Variants in TAFA5 observed in about 807,000 individuals in gnomAD.
The protein encoded by TAFA5 is TAFA chemokine like family member 5.
A neutral mutation model predicts 15.3 loss-of-function variants in TAFA5; 6 were observed. The ratio of observed to expected loss-of-function variants is 0.39; its 90% CI spans 0.21 to 0.77. TAFA5 has a LOEUF of 0.77. Among genes scored for constraint, TAFA5 ranks in the 30% least tolerant of loss-of-function variants. The pLI is 0.41. For missense variants in TAFA5, 161 were observed against 193.1 expected, an observed-to-expected ratio of 0.83 and a Z score of 0.98; for synonymous variants, 103 against 80.7, an observed-to-expected ratio of 1.28 and a Z score of -1.48.
rs964016919 is a variant in TAFA5, at chr22:48,490,275, G to A, written c.112+571G>A. ...AGAGAAGCGAAGTGAGGGATGGGAT[G>A]CCCGGAGGGGGCTCGCCGCGGCCGC... is the stretch of plus-strand genomic sequence containing the variant. On this transcript the variant is annotated intron_variant, in intron 1 of 3. Coordinates refer to ENST00000402357, the MANE Select transcript of TAFA5 (RefSeq NM_001082967.3). The surrounding 1 kb of genome is among the most constrained non-coding windows in gnomAD (Gnocchi z 5.8). Among the ~76,000 whole-genome samples the A allele has an allele frequency of 6.6e-6, 1 of 152,080 alleles. No individual in the cohort carries two copies. Among genetic ancestry groups the A allele is most frequent in the Non-Finnish European group, 1.5e-5 (1 of 67,986 alleles).
At chr22:48,689,620 C>A (rs1035888404) in intron 2 of TAFA5, among the ~76,000 whole-genome samples, 1 of 151,082 alleles carries the variant, frequency 6.6e-6, no homozygotes, top group Non-Finnish European at 1.5e-5. Flanking sequence ...TTCACTGGCT[C>A]TCAGTTTGGG....
intron 1 of TAFA5, among the ~76,000 whole-genome samples, chr22:48,645,091 C>G (rs926007456): frequency 2.6e-4 from 40 of 152,376 alleles, no homozygotes; most frequent in Admixed American, 2.6e-3. Context: ...ATTACCTACT[C>G]AGATGAAGGA....
intron 3 of TAFA5, among the ~76,000 whole-genome samples, chr22:48,745,292 C>T (rs1221560542): frequency 7.1e-6 from 1 of 141,394 alleles, no homozygotes; most frequent in Non-Finnish European, 1.5e-5. Context: ...CATTGGCACA[C>T]AACAGCTTTG....
intron 1 of TAFA5, 53 bp from the exon 2 acceptor site, chr22:48,646,544 T>G: frequency 5.7e-6 from 9 of 1,591,680 alleles, no homozygotes; most frequent in Non-Finnish European, 7.7e-6. Context: ...GGGCTCTGGC[T>G]GTGGGGTGTC....
At chr22:48,684,717 G>A (rs1160203342) in intron 2 of TAFA5, among the ~76,000 whole-genome samples, 2 of 152,206 alleles carry the variant, frequency 1.3e-5, no homozygotes, top group African/African-American at 4.8e-5. Flanking sequence ...GACTGAGGCT[G>A]TGTCTGGGTA....
intron 2 of TAFA5, among the ~76,000 whole-genome samples, chr22:48,706,460 T>G (rs979147621): frequency 6.6e-6 from 1 of 152,056 alleles, no homozygotes; most frequent in African/African-American, 2.4e-5. Context: ...TAGAGTGGGG[T>G]GCCTGGCTCT....
At chr22:48,542,639 T>TGTGTGTGTG (rs1491202512) in intron 1 of TAFA5, among the ~76,000 whole-genome samples, 1 of 26,958 alleles carries the variant, frequency 3.7e-5, no homozygotes, top group East Asian at 6.2e-4. Flanking sequence ...GGGTGTGTGA[T>TGTGTGTGTG]GTGTGTGTGT....
At chr22:48,508,268 T>A (rs1020876913) in intron 1 of TAFA5, among the ~76,000 whole-genome samples, 1 of 152,020 alleles carries the variant, frequency 6.6e-6, no homozygotes, top group South Asian at 2.1e-4. Context: ...CTGGGAGAGG[T>A]AGGTGCTGAC....
At chr22:48,547,439 CTTTG>C (rs1220511809) in intron 1 of TAFA5, 2 of 152,172 alleles carry the variant, frequency 1.3e-5, no homozygotes, top group Non-Finnish European at 2.9e-5. Flanking sequence ...GTGAGGATAC[CTTTG>C]TTTGTGATGT....
chr22:48,496,724 GA>G (rs1359140787), intron 1 of TAFA5, among the ~76,000 whole-genome samples: 4 of 152,198 alleles, frequency 2.6e-5, no homozygotes, highest in African/African-American at 7.2e-5. Flanking sequence ...GCACCGCAGG[GA>G]GAGTTGTGAA....
At chr22:48,496,606 C>T (rs1928334108) in intron 1 of TAFA5, among the ~76,000 whole-genome samples, 1 of 152,194 alleles carries the variant, frequency 6.6e-6, no homozygotes, top group African/African-American at 2.4e-5. Context: ...TAGGCGATGT[C>T]TTCTGACGTC....
chr22:48,632,053 C>T (rs1926249302), intron 1 of TAFA5, among the ~76,000 whole-genome samples: 1 of 152,236 alleles, frequency 6.6e-6, no homozygotes. Context: ...ATGTGAAAAC[C>T]AGGAATCCAC....
intron 3 of TAFA5, among the ~76,000 whole-genome samples, chr22:48,738,185 A>G (rs956826919): frequency 6.6e-6 from 1 of 152,206 alleles, no homozygotes. Context: ...GGAGCCGAGC[A>G]CGGGGAGCCC....
chr22:48,580,710 C>T lies in TAFA5; in HGVS notation c.113-65887C>T, dbSNP rs528069580. 1.1e-4 allele frequency among the ~76,000 whole-genome samples: 16 copies of T among 152,314 alleles called. No homozygotes were observed. The East Asian group carries it at 2.1e-3, about 20-fold the overall frequency. On this transcript the variant is annotated intron_variant, in intron 1 of 3. Coordinates refer to ENST00000402357, the MANE Select transcript of TAFA5 (RefSeq NM_001082967.3). ...GGCAGCTCTGTGTTCTCAATGCTTA[C>T]GGCCAGCTGTGCCTGCACCCCTGCA...
intron 2 of TAFA5, among the ~76,000 whole-genome samples, chr22:48,696,752 G>C (rs1325951508): frequency 6.6e-6 from 1 of 152,272 alleles, no homozygotes; most frequent in Admixed American, 6.5e-5. Flanking sequence ...GGTGGAATGA[G>C]GTTTGCGCCT....
chr22:48,671,218 T>C (rs530133804), intron 2 of TAFA5, among the ~76,000 whole-genome samples: 3 of 152,276 alleles, frequency 2.0e-5, no homozygotes, highest in Non-Finnish European at 4.4e-5. Flanking sequence ...CTCGAGCCAT[T>C]CGGGGAAACA....
intron 1 of TAFA5, among the ~76,000 whole-genome samples, chr22:48,644,222 G>T (rs895982805): frequency 2.0e-5 from 3 of 152,204 alleles, no homozygotes; most frequent in African/African-American, 7.2e-5. Flanking sequence ...CTTCGGGGAG[G>T]GGGCCCCGAG....
intron 2 of TAFA5, among the ~76,000 whole-genome samples, chr22:48,685,784 A>G (rs1928333694): frequency 6.6e-6 from 1 of 152,166 alleles, no homozygotes; most frequent in South Asian, 2.1e-4. Context: ...AAAACACCCC[A>G]TTCAGAGTCC....
intron 1 of TAFA5, among the ~76,000 whole-genome samples, chr22:48,541,666 G>A (rs1922378857): frequency 6.6e-6 from 1 of 152,208 alleles, no homozygotes; most frequent in Non-Finnish European, 1.5e-5. Flanking sequence ...CAGACCTGCA[G>A]TGAGGACTCA....
Sources: gnomAD v4.1 joint callset for allele counts (sites outside exome capture counted in the v4.1 genomes callset) on GRCh38, gnomAD v4.1.1 for gene constraint, Gnocchi (gnomAD v3.1) non-coding constraint, MANE v1.5 for transcripts, NCBI Gene and HGNC (gene_info 2026-07-23, HGNC 2026-07-21) for gene names.